Variants in FN1 observed in about 807,000 individuals in gnomAD.
FN1 encodes fibronectin.
A neutral mutation model predicts 297.3 loss-of-function variants in FN1; 106 were observed. The observed-to-expected ratio is 0.36, with a 90% confidence interval of 0.30 to 0.42. The LOEUF is 0.42. FN1 is among the 10% of genes least tolerant of loss of function. FN1 has a pLI of 1.00. For synonymous variants in FN1, 1,149 were observed against 1,152.6 expected, an observed-to-expected ratio of 1.00 and a Z score of 0.06; for missense variants, 2,690 against 3,124.9, an observed-to-expected ratio of 0.86 and a Z score of 3.32.
At position 215,373,417 on chromosome 2, in the gene FN1, G is replaced by A. The variant is rs755318371; in HGVS notation, c.6158-6C>T. 4.3e-6 allele frequency: 7 copies of A among 1,609,942 alleles called. No individual in the cohort carries two copies. Among genetic ancestry groups the A allele is most frequent in the South Asian group, 3.3e-5 (3 of 90,994 alleles). On this transcript the variant is annotated splice_polypyrimidine_tract_variant and splice_region_variant and intron_variant, in intron 38 of 45. Coordinates refer to ENST00000354785, the MANE Select transcript of FN1 (RefSeq NM_212482.4). ...TTCGGTTCCCGGTTCCAGGCCTGAA[G>A]GGAGAATAGAACCATCACATTATGT...
chr2:215,370,327 C>A lies in FN1; in HGVS notation c.6820G>T (p.Val2274Phe), dbSNP rs766249142. ...CCCACGGTAACAACCTCTTCCCGAA[C>A]CTTATGCCTCTGCTGGTCTTTCAGT... Reference protein sequence around the residue: ...EALKDQQRHKVREEVVTVGNS... With the variant: ...EALKDQQRHKFREEVVTVGNS... The change falls in exon 41 of 46, where the codon GTT becomes TTT. Residue 2274 changes from valine to phenylalanine, a missense_variant. Around this residue, in one of 3 missense-constraint regions of FN1, gnomAD observed 1,743 missense variants for 1,945.2 expected, o/e 0.90. Coordinates refer to ENST00000354785, the MANE Select transcript of FN1 (RefSeq NM_212482.4). 5 of 1,614,004 alleles carry A rather than the reference C, an allele frequency of 3.1e-6. No homozygotes were observed. The East Asian group carries it at 6.7e-5, about 22-fold the overall frequency.
intron 23 of FN1, among the ~76,000 whole-genome samples, chr2:215,396,531 TA>T (rs935368347): frequency 1.6e-4 from 25 of 151,680 alleles, no homozygotes; most frequent in South Asian, 2.1e-4. Flanking sequence ...AGAATATAAT[TA>T]AAAAAAAATT....
intron 2 of FN1, among the ~76,000 whole-genome samples, chr2:215,434,418 T>G (rs569366242): frequency 1.7e-4 from 26 of 150,000 alleles, no homozygotes; most frequent in Non-Finnish European, 3.1e-4. Context: ...ATTTTTTTTG[T>G]CGGAGGACAC....
At chr2:215,407,421 G>T (rs2061910196) in intron 17 of FN1, 100 bp from the exon 18 acceptor site, 1 of 999,022 alleles carries the variant, frequency 1.0e-6, no homozygotes, top group Non-Finnish European at 1.6e-6. Flanking sequence ...TTAGCATCTT[G>T]CTTGATTAGT....
chr2:215,361,597 C>T lies in FN1; in HGVS notation c.7392G>A (p.Met2464Ile), dbSNP rs771587539. ...TNVNCPIECFMPLDVQADRED... is the reference protein window; with the variant it reads ...TNVNCPIECFIPLDVQADRED... ...CTCTGTCAGCCTGTACATCTAAAGGCATGAAGCACTCAATTGGGCAATTAA... is the reference window on the plus strand; with the variant it reads ...CTCTGTCAGCCTGTACATCTAAAGGTATGAAGCACTCAATTGGGCAATTAA... The change falls in exon 46 of 46, where the codon ATG (methionine) becomes ATA (isoleucine). Residue 2464 changes from methionine to isoleucine, a missense_variant. Coordinates refer to ENST00000354785, the MANE Select transcript of FN1 (RefSeq NM_212482.4). 1.2e-6 allele frequency: 2 copies of T among 1,612,028 alleles called. No individual in the cohort carries two copies. Among genetic ancestry groups the T allele is most frequent in the Non-Finnish European group, 1.7e-6 (2 of 1,178,598 alleles).
intron 13 of FN1, among the ~76,000 whole-genome samples, chr2:215,412,191 C>CT (rs11315848): frequency 5.0e-4 from 73 of 144,578 alleles, no homozygotes; most frequent in African/African-American, 6.6e-4. Context: ...AATGACTTTT[C>CT]TTTTTTTTTT....
At chr2:215,379,992 G>C (rs1045530165) in intron 33 of FN1, 1 of 152,332 alleles carries the variant, frequency 6.6e-6, no homozygotes, top group Non-Finnish European at 1.5e-5. Context: ...CACTGCACCC[G>C]GCCTCCTTTT....
At chr2:215,375,516 A>G in intron 37 of FN1, 113 bp downstream of exon 37, 1 of 1,265,204 alleles carries the variant, frequency 7.9e-7, no homozygotes, top group Middle Eastern at 1.8e-4. Flanking sequence ...AACCGGAAAC[A>G]AGATTCTCTG....
At chr2:215,395,553 AAAAC>A (rs1032518570) in intron 23 of FN1, among the ~76,000 whole-genome samples, 22 of 150,612 alleles carry the variant, frequency 1.5e-4, no homozygotes, top group East Asian at 2.0e-4. Flanking sequence ...AAAAAAAAAC[AAAAC>A]AAACAAAAAA....
chr2:215,361,403 A>C lies in FN1; in HGVS notation c.*152T>G. On this transcript the variant is annotated 3_prime_UTR_variant, in exon 46 of 46. Transcript: ENST00000354785. ...AAACTCCCAGGGTGATGCTTGGAGA[A>C]GCTGTGAGTTGAGCTGAAGCTGGAG... 1.3e-6 allele frequency: 1 copy of C among 748,118 alleles called. No individual in the cohort carries two copies. The highest frequency in any genetic ancestry group is 1.7e-5 in the African/African-American group (1 of 58,188). 46.3% of individuals were successfully genotyped at this position (748,118 alleles called of 1,614,324 possible). A position where few individuals can be genotyped will look rare whatever the true frequency, so the allele number is the denominator to read the frequency against.
At chr2:215,427,067 G>T (rs1421544320) in intron 6 of FN1, among the ~76,000 whole-genome samples, 3 of 151,856 alleles carry the variant, frequency 2.0e-5, no homozygotes, top group African/African-American at 4.8e-5. Flanking sequence ...AGTAGAGATG[G>T]GGTTTCACCG....
intron 21 of FN1, among the ~76,000 whole-genome samples, chr2:215,398,354 A>G (rs1224979573): frequency 1.3e-5 from 2 of 152,248 alleles, no homozygotes; most frequent in Non-Finnish European, 2.9e-5. Flanking sequence ...ACATTACAAG[A>G]GAAGAATTAG....
chr2:215,369,535 T>C (rs371888085), intron 41 of FN1, among the ~76,000 whole-genome samples: 240 of 152,332 alleles, frequency 1.6e-3, no homozygotes, highest in African/African-American at 5.5e-3. Flanking sequence ...TCTGTTGGTG[T>C]GGAGTAGAGA....
Position 215,397,046 on chromosome 2 carries a change from C to T in FN1, c.3604+91G>A, listed in dbSNP as rs963829177. 59 of 862,688 alleles carry T rather than the reference C, an allele frequency of 6.8e-5. No individual in the cohort carries two copies. The African/African-American group carries it at 8.9e-4, about 13-fold the overall frequency. The allele number at this position is 862,688 out of a possible 1,614,324, so 53.4% of individuals were successfully genotyped here. A position where few individuals can be genotyped will look rare whatever the true frequency, so the allele number is the denominator to read the frequency against. ...AGAGCTAAGCATTTGTAATTTGAATCCCTTCTTTCTCTGAAAGAAACACAG... is the reference window on the plus strand; with the variant it reads ...AGAGCTAAGCATTTGTAATTTGAATTCCTTCTTTCTCTGAAAGAAACACAG... On this transcript the variant is annotated intron_variant, in intron 23 of 45. Transcript: ENST00000354785.
rs1032142668 is a variant in FN1, at chr2:215,435,980, G to A, written c.-178C>T. ...GTGGAGGGACAGAAGGGATGCAGAG[G>A]ACCAGAGAAGTTGTGGCTGCAGGTC... On this transcript the variant is annotated 5_prime_UTR_variant, in exon 1 of 46. Coordinates refer to ENST00000354785, the MANE Select transcript of FN1 (RefSeq NM_212482.4). 9.6e-6 allele frequency: 13 copies of A among 1,355,410 alleles called. No homozygotes were observed. Among genetic ancestry groups the A allele is most frequent in the Admixed American group, 2.9e-5 (1 of 34,808 alleles). The allele number at this position is 1,355,410 out of a possible 1,614,324, so 84.0% of individuals were successfully genotyped here.
chr2:215,434,507 G>C (rs555804034), intron 2 of FN1, among the ~76,000 whole-genome samples, 189 bp downstream of exon 2: 2 of 152,298 alleles, frequency 1.3e-5, no homozygotes, highest in South Asian at 2.1e-4. Flanking sequence ...ATTTGGGAAA[G>C]ATTCGTTTCT....
chr2:215,424,642 T>C (rs906666956), intron 7 of FN1, among the ~76,000 whole-genome samples: 1 of 152,204 alleles, frequency 6.6e-6, no homozygotes, highest in African/African-American at 2.4e-5. Flanking sequence ...TGGGATAATA[T>C]TTATGACTAT....
intron 44 of FN1, chr2:215,362,330 T>C (rs1206660695): frequency 4.0e-6 from 2 of 495,076 alleles, no homozygotes; most frequent in East Asian, 7.7e-5. Context: ...CTTCTCTTCC[T>C]ATTCAAACCT....
chr2:215,409,503 C>CA, intron 15 of FN1, 60 bp downstream of exon 15: 1 of 1,556,164 alleles, frequency 6.4e-7, no homozygotes, highest in Non-Finnish European at 8.9e-7. Flanking sequence ...CACCCACCCC[C>CA]ACAAGGAGAG....
Sources: allele counts gnomAD v4.1 joint callset (sites outside exome capture counted in the v4.1 genomes callset), GRCh38; gene constraint gnomAD v4.1.1; regional missense constraint gnomAD v4.1.1; transcripts MANE v1.5; gene names NCBI Gene and HGNC (gene_info 2026-07-23, HGNC 2026-07-21).